Variants in PCNT observed in about 807,000 individuals in gnomAD.
The protein encoded by PCNT is kendrin.
A neutral mutation model predicts 380.4 loss-of-function variants in PCNT; 319 were observed. The ratio of observed to expected loss-of-function variants is 0.84; its 90% CI spans 0.77 to 0.92. The LOEUF (loss-of-function observed/expected upper bound fraction) is 0.92. Among genes scored for constraint, PCNT ranks in the 40% least tolerant of loss-of-function variants. The pLI, the probability that PCNT is intolerant of heterozygous loss-of-function variation, is 0.00. For synonymous variants in PCNT, 1,845 were observed against 1,735.2 expected (o/e 1.06, Z -1.57); for missense variants, 4,400 against 4,255.3 (o/e 1.03, Z -0.95).
chr21:46,431,639 G>C lies in PCNT; in HGVS notation c.8175G>C (p.Glu2725Asp). The change falls in exon 38 of 47, where the codon GAG becomes GAC. Residue 2725 changes from glutamate to aspartate, a missense_variant. Glu to Asp is a conservative substitution (Grantham distance 45). Coordinates refer to ENST00000359568, the MANE Select transcript of PCNT (RefSeq NM_006031.6). Reference sequence around the variant, plus strand: ...ACCTGCAGAAGGAGCTGCGTATCGAGCACTCACGCTGCGAGGCCTTGCTGG... The same window carrying C: ...ACCTGCAGAAGGAGCTGCGTATCGACCACTCACGCTGCGAGGCCTTGCTGG... ...KDNLQKELRIEHSRCEALLAQ... is the reference protein window; with the variant it reads ...KDNLQKELRIDHSRCEALLAQ... 1.2e-6 allele frequency: 2 copies of C among 1,613,904 alleles called. No homozygotes were observed. The highest frequency in any genetic ancestry group is 1.7e-6 in the Non-Finnish European group (2 of 1,179,914).
chr21:46,383,779 GTGT>G (rs1368484570), intron 16 of PCNT, among the ~76,000 whole-genome samples: 7 of 131,340 alleles, frequency 5.3e-5, no homozygotes, highest in East Asian at 2.3e-4. Flanking sequence ...CGCATTCACG[GTGT>G]TGTGCGTTCA....
At chr21:46,364,008 C>G in intron 14 of PCNT, 74 bp downstream of exon 14, 1 of 1,405,452 alleles carries the variant, frequency 7.1e-7, no homozygotes. Flanking sequence ...GGGCAGGCTC[C>G]TGGGAGGAGG....
intron 29 of PCNT, among the ~76,000 whole-genome samples, chr21:46,413,495 C>A (rs1054220971): frequency 3.9e-5 from 6 of 152,234 alleles, no homozygotes; most frequent in African/African-American, 1.4e-4. Context: ...TGAATCCTTT[C>A]TGTTCTGTAA....
intron 13 of PCNT, among the ~76,000 whole-genome samples, chr21:46,363,204 G>A (rs1159114602): frequency 6.6e-6 from 1 of 152,134 alleles, no homozygotes; most frequent in Non-Finnish European, 1.5e-5. Flanking sequence ...TGCTGCCTTC[G>A]GTTGTTGGTT....
chr21:46,430,344 A>T, intron 36 of PCNT, 112 bp downstream of exon 36: 1 of 1,378,054 alleles, frequency 7.3e-7, no homozygotes, highest in South Asian at 1.2e-5. Flanking sequence ...GGGCAGCCCC[A>T]GGGGCACCGC....
chr21:46,393,598 T>G (rs2086109828), intron 21 of PCNT, among the ~76,000 whole-genome samples: 1 of 152,166 alleles, frequency 6.6e-6, no homozygotes. Flanking sequence ...CTTCAGCCAG[T>G]CACTTCGTTT....
chr21:46,436,194 C>G lies in PCNT; in HGVS notation c.8996+46C>G, dbSNP rs374381678. 6 of 1,597,214 alleles carry G rather than the reference C, an allele frequency of 3.8e-6. No homozygotes were observed. In the East Asian group the frequency reaches 6.7e-5, roughly 18 times the overall value. On this transcript the variant is annotated intron_variant, in intron 39 of 46. Transcript: ENST00000359568. ...GCGCTCACTGGTCCCTTGCAGCCAC[C>G]CCTCTGTCCCAGACCCGGCCCGAGG...
At chr21:46,389,512 G>A (rs761817634) in intron 19 of PCNT, 81 bp downstream of exon 19, 100 of 1,154,212 alleles carry the variant, frequency 8.7e-5, no homozygotes, top group Non-Finnish European at 1.2e-4. Flanking sequence ...GGTGGATGCC[G>A]GTGCCAACGA....
rs572123043 is a variant in PCNT, at chr21:46,416,802, C to T, written c.6884C>T (p.Pro2295Leu). 4.5e-5 allele frequency: 72 copies of T among 1,598,972 alleles called. 1 individual carries two copies. Among genetic ancestry groups the T allele is most frequent in the South Asian group, 2.1e-4 (19 of 90,922 alleles). The change falls in exon 30 of 47, where the codon CCG (proline) becomes CTG (leucine). Residue 2295 changes from proline to leucine, a missense_variant. Physicochemically the swap from Pro to Leu is moderately conservative, Grantham distance 98. Transcript: ENST00000359568. ...CTGGCACTGCAGTGGGCCGAGTCTC[C>T]GCCGGCTGACGACCACCATGTGCAG... is the stretch of plus-strand genomic sequence containing the variant. ...AALALQWAES[P>L]PADDHHVQRT... is the part of the protein sequence containing the mutation.
intron 27 of PCNT, among the ~76,000 whole-genome samples, chr21:46,407,704 T>G (rs1292444727): frequency 2.0e-5 from 3 of 152,216 alleles, no homozygotes; most frequent in African/African-American, 7.2e-5. Flanking sequence ...CCATTGAATA[T>G]CTGCAGGTTT....
intron 2 of PCNT, among the ~76,000 whole-genome samples, chr21:46,332,715 T>G (rs758839135): frequency 1.3e-5 from 2 of 152,250 alleles, no homozygotes; most frequent in Non-Finnish European, 2.9e-5. Flanking sequence ...TCTCTCTGCA[T>G]TCATCTTGTG....
At position 46,356,985 on chromosome 21, in the gene PCNT, G is replaced by A; in HGVS notation, c.1948G>A (p.Val650Met). The A allele has an allele frequency of 6.2e-7, 1 of 1,613,840 alleles. No individual in the cohort carries two copies. The highest frequency in any genetic ancestry group is 8.5e-7 in the Non-Finnish European group (1 of 1,179,834). ...SEGHSQELPW[V>M]HLQGVQDGDL... ...CCTTTTCCACACAGAGCTTCCCTGG[G>A]TGCATCTCCAGGGTGTGCAGGACGG... is the stretch of plus-strand genomic sequence containing the variant. Residue 650 changes from valine to methionine, a missense_variant, in exon 13 of 47, where the codon GTG (valine) becomes ATG (methionine). By Grantham distance (21) the Val-to-Met change is conservative (BLOSUM62 1). Transcript: ENST00000359568.
chr21:46,371,914 GCACACAGCACATGCGCATGCT>G (rs2085146949), intron 15 of PCNT, among the ~76,000 whole-genome samples: 1 of 137,916 alleles, frequency 7.3e-6, no homozygotes, highest in Non-Finnish European at 1.6e-5. Context: ...GCACATGTGC[GCACACAGCACATGCGCATGCT>G]CACACAGCAT....
At position 46,334,409 on chromosome 21, in the gene PCNT, G is replaced by C; in HGVS notation, c.280G>C (p.Asp94His). Residue 94 changes from aspartate (D) to histidine (H), a missense_variant, in exon 3 of 47, where the codon GAT becomes CAT. Physicochemically the swap from Asp to His is moderately conservative, Grantham distance 81. Transcript: ENST00000359568. ...CTCCCCTTCTTAGCCGGAGGACTGT[G>C]ATGGAGAGAAGAGAGAGGACTTGGA... ...GAFAAQPEDC[D>H]GEKREDLEQL... is the part of the protein sequence containing the mutation. The C allele has an allele frequency of 6.2e-7, 1 of 1,614,214 alleles. No homozygotes were observed. The highest frequency in any genetic ancestry group is 1.3e-5 in the African/African-American group (1 of 75,066).
Position 46,334,703 on chromosome 21 carries a change from C to G in PCNT, c.574C>G (p.Pro192Ala), listed in dbSNP as rs1569163547. 6.2e-7 allele frequency: 1 copy of G among 1,613,404 alleles called. No individual in the cohort carries two copies. The highest frequency in any genetic ancestry group is 8.5e-7 in the Non-Finnish European group (1 of 1,179,728). Reference protein sequence around the residue: ...RGMFTVSDHTPEQRGIFTISD... With the variant: ...RGMFTVSDHTAEQRGIFTISD... Reference sequence around the variant, plus strand: ...GATGTTCACAGTCAGTGACCACACACCAGAACAGCGTGGGATCTTCACAAT... The same window carrying G: ...GATGTTCACAGTCAGTGACCACACAGCAGAACAGCGTGGGATCTTCACAAT... Residue 192 changes from proline to alanine, a missense_variant, in exon 3 of 47, where the codon CCA (proline) becomes GCA (alanine). By Grantham distance (27) the Pro-to-Ala change is conservative. Transcript: ENST00000359568.
chr21:46,445,314 T>C lies in PCNT; in HGVS notation c.9998T>C (p.Met3333Thr). 4 of 1,607,878 alleles carry C rather than the reference T, an allele frequency of 2.5e-6. No homozygotes were observed. The highest frequency in any genetic ancestry group is 1.7e-4 in the Middle Eastern group (1 of 6,056). The change falls in exon 47 of 47, where the codon ATG becomes ACG. Residue 3333 changes from methionine to threonine, a missense_variant. Transcript: ENST00000359568. Reference protein sequence around the residue: ...DSTSKKSCHPMIKQ With the variant: ...DSTSKKSCHPTIKQ ...ACTTCAAAGAAATCCTGCCACCCGA[T>C]GATTAAACAGTGAATAAAATGTCAT...
intron 23 of PCNT, 30 bp downstream of exon 23, chr21:46,398,160 G>C: frequency 6.2e-7 from 1 of 1,605,194 alleles, no homozygotes; most frequent in Non-Finnish European, 8.5e-7. Flanking sequence ...AGTGCTGCTG[G>C]TTGCTGTCTT....
chr21:46,337,965 C>T (rs546770227), intron 3 of PCNT, among the ~76,000 whole-genome samples: 1 of 152,042 alleles, frequency 6.6e-6, no homozygotes, highest in South Asian at 2.1e-4. Flanking sequence ...CCTTGAACTC[C>T]TAGGCTTAGG....
At chr21:46,439,790 G>T (rs750475829) in intron 41 of PCNT, among the ~76,000 whole-genome samples, 34 of 152,150 alleles carry the variant, frequency 2.2e-4, no homozygotes, top group Admixed American at 7.9e-4. Context: ...TGAATTTGGG[G>T]TGATTTTACA....
Sources: allele counts gnomAD v4.1 joint callset (sites outside exome capture counted in the v4.1 genomes callset), GRCh38; gene constraint gnomAD v4.1.1; transcripts MANE v1.5; gene names NCBI Gene and HGNC (gene_info 2026-07-23, HGNC 2026-07-21).